Variants in GOLGA4 observed in about 807,000 individuals in gnomAD.
GOLGA4 encodes golgin subfamily A member 4.
Under a neutral mutation model 265.9 loss-of-function variants are expected in GOLGA4, and 169 were observed. The ratio of observed to expected loss-of-function variants is 0.64; its 90% CI spans 0.56 to 0.72. The LOEUF (loss-of-function observed/expected upper bound fraction) is 0.72. Among genes scored for constraint, GOLGA4 ranks in the 30% least tolerant of loss-of-function variants. The probability of loss-of-function intolerance (pLI) is 0.00; values close to 1 mark genes in which losing one functional copy is unlikely to be tolerated. For synonymous variants in GOLGA4, 923 were observed against 855.8 expected, an observed-to-expected ratio of 1.08 and a Z score of -1.37; for missense variants, 2,482 against 2,483.4, an observed-to-expected ratio of 1.00 and a Z score of 0.01.
chr3:37,321,885 C>T lies in GOLGA4; in HGVS notation c.1700C>T (p.Thr567Ile). Residue 567 changes from threonine to isoleucine, a missense_variant and splice_region_variant, in exon 13 of 24, where the codon ACT (threonine) becomes ATT (isoleucine). By Grantham distance (89) the Thr-to-Ile change is moderately conservative. This residue lies in a region of GOLGA4 where 1,536 missense variants were observed against 1,483.7 expected (regional missense o/e 1.04). Coordinates refer to ENST00000361924, the MANE Select transcript of GOLGA4 (RefSeq NM_002078.5). ...DLQQEAETYR[T>I]RILELESSLE... is the part of the protein sequence containing the mutation. ...CAGCAAGAAGCAGAGACTTACAGAA[C>T]TGTAAGTTTTAATAATATTCAGATT... 1 of 1,590,558 alleles carries T rather than the reference C, an allele frequency of 6.3e-7. No homozygotes were observed. The highest frequency in any genetic ancestry group is 1.2e-5 in the South Asian group (1 of 86,328).
At chr3:37,308,486 C>T (rs1052364622) in intron 10 of GOLGA4, among the ~76,000 whole-genome samples, 2 of 151,744 alleles carry the variant, frequency 1.3e-5, no homozygotes, top group African/African-American at 4.8e-5. Context: ...AAGCTCTAGA[C>T]TAGTAGCTTT....
chr3:37,269,944 A>G (rs1291208650), intron 2 of GOLGA4, among the ~76,000 whole-genome samples: 1 of 130,764 alleles, frequency 7.6e-6, no homozygotes, highest in African/African-American at 3.0e-5. Context: ...CCCAGGCTGA[A>G]GTGCAGTGTT....
intron 3 of GOLGA4, among the ~76,000 whole-genome samples, chr3:37,283,237 A>G (rs1174179398): frequency 6.6e-6 from 1 of 152,224 alleles, no homozygotes; most frequent in African/African-American, 2.4e-5. Flanking sequence ...TGCTGACAAA[A>G]TAGGAAGCAA....
intron 2 of GOLGA4, among the ~76,000 whole-genome samples, chr3:37,279,633 G>A (rs1283087817): frequency 2.0e-5 from 3 of 152,266 alleles, no homozygotes; most frequent in Middle Eastern, 3.4e-3. Flanking sequence ...GAGGCCCAGC[G>A]TGTTGGCTCA....
chr3:37,284,708 G>T lies in GOLGA4; in HGVS notation c.478-1306G>T, dbSNP rs1435827983. 6.1e-5 allele frequency among the ~76,000 whole-genome samples: 9 copies of T among 148,636 alleles called. No individual in the cohort carries two copies. The East Asian group carries it at 1.8e-3, about 29-fold the overall frequency. The stretch of plus-strand genomic sequence containing the variant: ...AGATAAGGTCTTACTCCCTCACCCA[G>T]GCTGGAGTGCAGTGGCATCATCACG... On this transcript the variant is annotated intron_variant, in intron 3 of 23. Transcript: ENST00000361924.
chr3:37,274,306 T>A (rs2096807502), intron 2 of GOLGA4, among the ~76,000 whole-genome samples: 1 of 152,090 alleles, frequency 6.6e-6, no homozygotes, highest in African/African-American at 2.4e-5. Flanking sequence ...TACTAGAGTT[T>A]AGGTTGTCCT....
At chr3:37,262,689 G>T (rs999492647) in intron 2 of GOLGA4, among the ~76,000 whole-genome samples, 1 of 151,984 alleles carries the variant, frequency 6.6e-6, no homozygotes, top group Non-Finnish European at 1.5e-5. Flanking sequence ...GATTGCTAGA[G>T]CCCAGGAGTT....
intron 12 of GOLGA4, chr3:37,319,664 C>G (rs1327082306): frequency 6.6e-6 from 1 of 152,216 alleles, no homozygotes; most frequent in South Asian, 2.1e-4. Context: ...GTGATCCACC[C>G]ACATTGGTCT....
chr3:37,352,593 C>T (rs941959537), intron 21 of GOLGA4, among the ~76,000 whole-genome samples: 4 of 151,950 alleles, frequency 2.6e-5, no homozygotes, highest in Non-Finnish European at 4.4e-5. Context: ...TCTCATGAAC[C>T]GGTCTTTTAG....
At chr3:37,290,851 A>G (rs763842561) in intron 5 of GOLGA4, among the ~76,000 whole-genome samples, 21 of 152,160 alleles carry the variant, frequency 1.4e-4, no homozygotes, top group Non-Finnish European at 7.4e-5. Context: ...CCTGCCTTAT[A>G]TTAATAGAAA....
intron 20 of GOLGA4, among the ~76,000 whole-genome samples, chr3:37,346,121 A>G (rs554006818): frequency 2.5e-4 from 38 of 152,346 alleles, no homozygotes; most frequent in African/African-American, 6.7e-4. Context: ...TAAGAACTCT[A>G]TACTTGCAAA....
chr3:37,250,063 G>A (rs890574553), intron 1 of GOLGA4: 1 of 152,186 alleles, frequency 6.6e-6, no homozygotes, highest in East Asian at 1.9e-4. Context: ...AGAAGATTGG[G>A]TTAGTAAGTT....
At chr3:37,305,983 G>A (rs932906164) in intron 10 of GOLGA4, among the ~76,000 whole-genome samples, 1 of 152,052 alleles carries the variant, frequency 6.6e-6, no homozygotes, top group African/African-American at 2.4e-5. Flanking sequence ...ATATGTTGGA[G>A]GACAGAGGAA....
intron 19 of GOLGA4, among the ~76,000 whole-genome samples, chr3:37,338,375 C>T (rs1344782245): frequency 6.6e-6 from 1 of 152,122 alleles, no homozygotes; most frequent in African/African-American, 2.4e-5. Context: ...ATTAATTGTA[C>T]TATATTTTCT....
intron 2 of GOLGA4, among the ~76,000 whole-genome samples, chr3:37,269,563 G>A (rs888744901): frequency 6.6e-6 from 1 of 152,024 alleles, no homozygotes; most frequent in Non-Finnish European, 1.5e-5. Flanking sequence ...AAAAAAATAG[G>A]CATAAGGAAT....
chr3:37,325,715 C>G lies in GOLGA4; in HGVS notation c.3829C>G (p.Gln1277Glu), dbSNP rs368387771. ...KTCTVSELEA[Q>E]LRQLTEEQNT... ...TTGCACAGTTTCTGAATTAGAAGCA[C>G]AACTTAGACAGTTGACAGAGGAGCA... Residue 1277 changes from glutamine to glutamate, a missense_variant, in exon 14 of 24, where the codon CAA becomes GAA. Physicochemically the swap from Gln to Glu is conservative, Grantham distance 29 (BLOSUM62 2). This residue lies in a region of GOLGA4 where 1,536 missense variants were observed against 1,483.7 expected (regional missense o/e 1.04). Coordinates refer to ENST00000361924, the MANE Select transcript of GOLGA4 (RefSeq NM_002078.5). The G allele has an allele frequency of 4.3e-6, 7 of 1,613,410 alleles. No homozygotes were observed. The highest frequency in any genetic ancestry group is 5.9e-6 in the Non-Finnish European group (7 of 1,179,508).
At chr3:37,281,288 G>A (rs2096833937) in intron 2 of GOLGA4, among the ~76,000 whole-genome samples, 1 of 152,188 alleles carries the variant, frequency 6.6e-6, no homozygotes, top group South Asian at 2.1e-4. Flanking sequence ...CCTTTCAACT[G>A]TCCTCCATGA....
intron 23 of GOLGA4, 39 bp from the exon 24 acceptor site, chr3:37,366,041 G>A (rs1559483776): frequency 6.7e-7 from 1 of 1,498,174 alleles, no homozygotes; most frequent in Non-Finnish European, 8.9e-7. Flanking sequence ...GGATTTTTTT[G>A]CCCCCTTTCT....
At chr3:37,281,458 C>A (rs986452814) in intron 2 of GOLGA4, among the ~76,000 whole-genome samples, 2 of 152,140 alleles carry the variant, frequency 1.3e-5, no homozygotes, top group Non-Finnish European at 2.9e-5. Flanking sequence ...TGGGAATGAT[C>A]AAGAATTACC....
Sources: allele counts gnomAD v4.1 joint callset (sites outside exome capture counted in the v4.1 genomes callset), GRCh38; gene constraint gnomAD v4.1.1; regional missense constraint gnomAD v4.1.1; transcripts MANE v1.5; gene names NCBI Gene and HGNC (gene_info 2026-07-23, HGNC 2026-07-21).